PROCR: variants seen among roughly 807,000 people sequenced by gnomAD.
PROCR encodes the protein protein C receptor, also known as endothelial protein C receptor.
A neutral mutation model predicts 24.2 loss-of-function variants in PROCR; 22 were observed. The ratio of observed to expected loss-of-function variants is 0.91; its 90% CI spans 0.65 to 1.30. The LOEUF (loss-of-function observed/expected upper bound fraction) is 1.30. PROCR is among the 50% of genes most tolerant of loss of function. PROCR has a pLI of 0.00. For synonymous variants in PROCR, 137 were observed against 139.2 expected, an observed-to-expected ratio of 0.98 and a Z score of 0.11; for missense variants, 288 against 307.7, an observed-to-expected ratio of 0.94 and a Z score of 0.48.
At chr20:35,173,673 G>T (rs1285963015) in intron 1 of PROCR, among the ~76,000 whole-genome samples, 1 of 151,798 alleles carries the variant, frequency 6.6e-6, no homozygotes, top group Non-Finnish European at 1.5e-5. Flanking sequence ...CAAGTGATCC[G>T]CCCGCCTCGG....
chr20:35,210,217 C>G (rs1418819982), intron 1 of PROCR, among the ~76,000 whole-genome samples: 1 of 151,986 alleles, frequency 6.6e-6, no homozygotes, highest in Non-Finnish European at 1.5e-5. Flanking sequence ...CAGAGCAAGA[C>G]CCTATCTCTA....
intron 2 of PROCR, 29 bp downstream of exon 2, chr20:35,174,982 C>A (rs759839865): frequency 2.2e-5 from 4 of 182,688 alleles, no homozygotes; most frequent in African/African-American, 4.8e-5. Context: ...GGGGCGGGGT[C>A]TGGGCGGGGC....
At chr20:35,210,338 A>G (rs1306284253) in intron 1 of PROCR, among the ~76,000 whole-genome samples, 1 of 152,170 alleles carries the variant, frequency 6.6e-6, no homozygotes, top group Admixed American at 6.5e-5. Context: ...TGAGCTTAGG[A>G]ATTGAGGACC....
At chr20:35,176,661 G>C in intron 3 of PROCR, 37 bp from the exon 4 acceptor site, 1 of 1,581,600 alleles carries the variant, frequency 6.3e-7, no homozygotes, top group South Asian at 1.1e-5. Context: ...CTCCTTGGGG[G>C]CCTATTCTTC....
rs188072223 is a variant in PROCR, at chr20:35,196,852, A to C, written c.95-19041A>C. Among the ~76,000 whole-genome samples, 790 of 152,356 alleles carry C rather than the reference A, an allele frequency of 5.2e-3. 3 individuals carry two copies. The highest frequency in any genetic ancestry group is 8.1e-3 in the Non-Finnish European group (552 of 68,036). ...CTCTCCTTACATAAAGTTATTTATGATCATTGAAAGAAAAAATTATAACAC... is the reference window on the plus strand; with the variant it reads ...CTCTCCTTACATAAAGTTATTTATGCTCATTGAAAGAAAAAATTATAACAC... On this transcript the variant is annotated intron_variant, in intron 1 of 1. Coordinates refer to the PROCR transcript ENST00000634509.
At chr20:35,179,540 A>G (rs2086059508), downstream of PROCR, among the ~76,000 whole-genome samples, 1 of 152,102 alleles carries the variant, frequency 6.6e-6, no homozygotes, top group African/African-American at 2.4e-5. Context: ...CCAAGAAAAA[A>G]AAAAAAAGAT....
intron 1 of PROCR, among the ~76,000 whole-genome samples, chr20:35,189,166 A>G (rs1237939367): frequency 6.6e-6 from 1 of 152,084 alleles, no homozygotes; most frequent in Non-Finnish European, 1.5e-5. Context: ...ACAGAGCCAT[A>G]TTTCTCTTAT....
intron 1 of PROCR, among the ~76,000 whole-genome samples, chr20:35,208,712 C>T (rs781075419): frequency 8.5e-5 from 13 of 152,170 alleles, no homozygotes; most frequent in Admixed American, 3.3e-4. Flanking sequence ...TGGTGGCTCA[C>T]GCCTGTAATC....
chr20:35,212,032 C>G (rs866729161), intron 1 of PROCR, among the ~76,000 whole-genome samples: 3 of 150,724 alleles, frequency 2.0e-5, no homozygotes, highest in Non-Finnish European at 4.4e-5. Flanking sequence ...AAAAAAAAAA[C>G]AAACACTGTG....
chr20:35,207,288 T>C (rs1410371806), intron 1 of PROCR, among the ~76,000 whole-genome samples: 1 of 152,018 alleles, frequency 6.6e-6, no homozygotes, highest in Non-Finnish European at 1.5e-5. Flanking sequence ...CATAATTCTT[T>C]GCATTTGTCA....
intron 1 of PROCR, among the ~76,000 whole-genome samples, chr20:35,205,971 G>T (rs1050670245): frequency 6.7e-6 from 1 of 148,782 alleles, no homozygotes; most frequent in Non-Finnish European, 1.5e-5. Context: ...GCACTTGACC[G>T]CAAATCACAT....
At position 35,201,743 on chromosome 20, in the gene PROCR, A is replaced by G. The variant is rs557974016; in HGVS notation, c.95-14150A>G. ...AAAAAGAAAAAAACAAGACCCAACTATATGCTATTACATTTTATTTTATTT... is the reference window on the plus strand; with the variant it reads ...AAAAAGAAAAAAACAAGACCCAACTGTATGCTATTACATTTTATTTTATTT... On this transcript the variant is annotated intron_variant, in intron 1 of 1. Coordinates refer to the PROCR transcript ENST00000634509. 7 of 152,210 alleles carry G rather than the reference A, an allele frequency of 4.6e-5. 1 individual carries two copies. In the East Asian group the frequency reaches 9.6e-4, roughly 21 times the overall value. The allele number at this position is 152,210 out of a possible 1,614,324, so 9.4% of individuals were successfully genotyped here.
In PROCR at chr20:35,176,681, C is replaced by T; in HGVS notation, c.602-17C>T. 1 of 1,599,132 alleles carries T rather than the reference C, an allele frequency of 6.3e-7. No individual in the cohort carries two copies. The highest frequency in any genetic ancestry group is 8.5e-7 in the Non-Finnish European group (1 of 1,172,258). ...TGGGGGCCTATTCTTCGGGCTAACT[C>T]TTTGCATGTTCTGCAGGGAGCCAAA... On this transcript the variant is annotated splice_polypyrimidine_tract_variant and intron_variant, in intron 3 of 3. Transcript: ENST00000216968.
chr20:35,175,089 C>T (rs1242305839), intron 2 of PROCR, 136 bp downstream of exon 2: 9 of 1,074,914 alleles, frequency 8.4e-6, no homozygotes, highest in African/African-American at 1.7e-5. Context: ...CTCGGTGGCG[C>T]CTGGGCCTTT....
chr20:35,208,001 A>G (rs994848621), intron 1 of PROCR, among the ~76,000 whole-genome samples: 1 of 152,198 alleles, frequency 6.6e-6, no homozygotes, highest in African/African-American at 2.4e-5. Flanking sequence ...TGGGCACTTT[A>G]GTGAGAATCC....
In PROCR at chr20:35,183,435, C is replaced by T. The variant is rs537656167; in HGVS notation, c.94+6989C>T. On this transcript the variant is annotated intron_variant, in intron 1 of 1. Coordinates refer to the PROCR transcript ENST00000634509. ...TGTCTCATCTTATATGCCTGCTCCC[C>T]CTTTGCCTTCCAACATGATTGAAAG... 8.5e-4 allele frequency among the ~76,000 whole-genome samples: 130 copies of T among 152,272 alleles called. 3 individuals are homozygous for T. The South Asian group carries it at 0.026, about 31-fold the overall frequency.
chr20:35,198,186 G>A (rs1227461152), intron 1 of PROCR, among the ~76,000 whole-genome samples: 2 of 151,944 alleles, frequency 1.3e-5, no homozygotes, highest in East Asian at 3.9e-4. Context: ...CAGCTACTCG[G>A]GAGGCTGAGG....
chr20:35,176,447 G>C lies in PROCR; in HGVS notation c.601+1G>C. 1 of 1,613,652 alleles carries C rather than the reference G, an allele frequency of 6.2e-7. No individual in the cohort carries two copies. The highest frequency in any genetic ancestry group is 8.5e-7 in the Non-Finnish European group (1 of 1,179,714). ...CATATTTCCGCGGAAAACACGAAAGGTATGATGGGACGGGGCCCAGGCCTG... is the reference window on the plus strand; with the variant it reads ...CATATTTCCGCGGAAAACACGAAAGCTATGATGGGACGGGGCCCAGGCCTG... On this transcript the variant is annotated splice_donor_variant, in intron 3 of 3. Coordinates refer to ENST00000216968, the MANE Select transcript of PROCR (RefSeq NM_006404.5). LOFTEE classifies it high-confidence loss of function.
chr20:35,192,540 T>TC (rs1193415420), intron 1 of PROCR, among the ~76,000 whole-genome samples: 1 of 152,074 alleles, frequency 6.6e-6, no homozygotes, highest in Admixed American at 6.6e-5. Context: ...TGCAGGCATA[T>TC]CCCCCGGGTT....
Sources: allele counts gnomAD v4.1 joint callset (sites outside exome capture counted in the v4.1 genomes callset), GRCh38; gene constraint gnomAD v4.1.1; transcripts MANE v1.5; gene names NCBI Gene and HGNC (gene_info 2026-07-23, HGNC 2026-07-21).